Variants in PHLPP2 observed in about 807,000 individuals in gnomAD.
PHLPP2 encodes PH domain and leucine rich repeat protein phosphatase 2.
In PHLPP2, 66 loss-of-function variants were observed where a neutral mutation model predicts 124.9. The ratio of observed to expected loss-of-function variants is 0.53; its 90% CI spans 0.43 to 0.65. The LOEUF is 0.65. Ranked by LOEUF, PHLPP2 falls within the 30% of genes least tolerant of loss-of-function variation. The probability of loss-of-function intolerance (pLI) is 0.00; values close to 1 mark genes in which losing one functional copy is unlikely to be tolerated. For synonymous variants in PHLPP2, 681 were observed against 624.7 expected, an observed-to-expected ratio of 1.09 and a Z score of -1.34; for missense variants, 1,685 against 1,600.4, an observed-to-expected ratio of 1.05 and a Z score of -0.90.
chr16:71,669,190 G>A (rs1289974248), intron 11 of PHLPP2, 85 bp downstream of exon 11: 15 of 876,284 alleles, frequency 1.7e-5, no homozygotes, highest in Non-Finnish European at 2.6e-5. Flanking sequence ...ACAAATAAAA[G>A]GCAACCCAAA....
intron 10 of PHLPP2, among the ~76,000 whole-genome samples, chr16:71,671,743 T>C (rs2044895003): frequency 6.6e-6 from 1 of 151,218 alleles, no homozygotes. Context: ...TGAAACCCCA[T>C]CTCTACTAAA....
In PHLPP2 at chr16:71,667,221, C is replaced by T. The variant is rs769938552; in HGVS notation, c.1741G>A (p.Ala581Thr). The change falls in exon 12 of 19, where the codon GCA becomes ACA. Residue 581 changes from alanine (A) to threonine (T), a missense_variant. By Grantham distance (58) the Ala-to-Thr change is moderately conservative. Transcript: ENST00000568954. ...AGGGTGTCTGGCAGCCTCGTGAGTG[C>T]ATTATGCTGAAGATCCAGCACCTCG... ...PLEVLDLQHNALTRLPDTLFS... is the reference protein window; with the variant it reads ...PLEVLDLQHNTLTRLPDTLFS... The T allele has an allele frequency of 1.7e-5, 28 of 1,613,700 alleles. No homozygotes were observed. The highest frequency in any genetic ancestry group is 1.6e-4 in the Middle Eastern group (1 of 6,084).
intron 8 of PHLPP2, chr16:71,677,017 T>C (rs2044952888): frequency 7.9e-6 from 2 of 253,836 alleles, no homozygotes; most frequent in Non-Finnish European, 1.5e-5. Context: ...GTGCTGGGAT[T>C]ACAGGCATGA....
At chr16:71,695,726 AAG>A (rs949838097) in intron 3 of PHLPP2, among the ~76,000 whole-genome samples, 1 of 152,042 alleles carries the variant, frequency 6.6e-6, no homozygotes, top group Non-Finnish European at 1.5e-5. Flanking sequence ...AAAAAAAAAA[AAG>A]AAATGCATAC....
At chr16:71,652,703 G>A in intron 18 of PHLPP2, 87 bp downstream of exon 18, 1 of 911,734 alleles carries the variant, frequency 1.1e-6, no homozygotes, top group Non-Finnish European at 1.8e-6. Flanking sequence ...GGGCATGATA[G>A]GAAGAAAATG....
intron 13 of PHLPP2, among the ~76,000 whole-genome samples, chr16:71,661,217 C>T (rs541132107): frequency 6.6e-6 from 1 of 152,008 alleles, no homozygotes; most frequent in South Asian, 2.1e-4. Context: ...CAGGCAGGCA[C>T]ACAACACCAC....
intron 13 of PHLPP2, among the ~76,000 whole-genome samples, chr16:71,661,487 C>T (rs887778384): frequency 1.6e-4 from 24 of 152,152 alleles, no homozygotes; most frequent in African/African-American, 5.8e-4. Flanking sequence ...TTAGGTTTTA[C>T]AGCATTATGC....
chr16:71,684,108 A>G (rs918627975), intron 5 of PHLPP2, among the ~76,000 whole-genome samples: 3 of 138,976 alleles, frequency 2.2e-5, no homozygotes, highest in African/African-American at 5.3e-5. Flanking sequence ...TTCAAAATAC[A>G]TTTCTCTTGA....
chr16:71,646,324 C>G lies in PHLPP2; in HGVS notation c.*2566G>C, dbSNP rs1009861505. On this transcript the variant is annotated 3_prime_UTR_variant, in exon 19 of 19. Coordinates refer to ENST00000568954, the MANE Select transcript of PHLPP2 (RefSeq NM_015020.3). ...AAAGCAGACTGCAAAAAAGAATAAT[C>G]AGTTTTGGTATCGCCTATAACAAAG... 1 of 152,148 alleles carries G rather than the reference C, an allele frequency of 6.6e-6. No homozygotes were observed. The highest frequency in any genetic ancestry group is 2.4e-5 in the African/African-American group (1 of 41,452). The allele number at this position is 152,148 out of a possible 1,614,324, so 9.4% of individuals were successfully genotyped here. A position where few individuals can be genotyped will look rare whatever the true frequency, so the allele number is the denominator to read the frequency against.
At chr16:71,662,527 C>T (rs1162384904) in intron 13 of PHLPP2, among the ~76,000 whole-genome samples, 1 of 152,082 alleles carries the variant, frequency 6.6e-6, no homozygotes, top group Non-Finnish European at 1.5e-5. Flanking sequence ...GAACTCCAAT[C>T]AAGTTTCTCC....
At chr16:71,722,920 G>A (rs1192969543) in intron 1 of PHLPP2, among the ~76,000 whole-genome samples, 4 of 152,094 alleles carry the variant, frequency 2.6e-5, no homozygotes, top group African/African-American at 9.7e-5. Context: ...CCTACCTTGT[G>A]CATTCCTTCG....
intron 1 of PHLPP2, chr16:71,723,638 C>CG: frequency 2.6e-6 from 1 of 377,414 alleles, no homozygotes; most frequent in Non-Finnish European, 4.3e-6. Flanking sequence ...TGACGCCGGG[C>CG]GGGGGCCGCC....
intron 3 of PHLPP2, among the ~76,000 whole-genome samples, chr16:71,693,421 G>C (rs2045135625): frequency 6.6e-6 from 1 of 152,090 alleles, no homozygotes; most frequent in South Asian, 2.1e-4. Flanking sequence ...TTCAACTCTT[G>C]GGTTCGCTTT....
chr16:71,706,993 G>A (rs1014358739), intron 2 of PHLPP2, among the ~76,000 whole-genome samples: 5 of 108,934 alleles, frequency 4.6e-5, no homozygotes, highest in East Asian at 3.0e-4. Context: ...TCTTGCTGTC[G>A]CCCAGGCTGG....
chr16:71,683,437 G>A (rs2045022536), intron 5 of PHLPP2, among the ~76,000 whole-genome samples: 1 of 152,214 alleles, frequency 6.6e-6, no homozygotes, highest in Non-Finnish European at 1.5e-5. Context: ...CACCAAGGCT[G>A]TTCTGAACAT....
intron 9 of PHLPP2, among the ~76,000 whole-genome samples, chr16:71,674,619 G>C (rs1249010121): frequency 6.6e-6 from 1 of 152,092 alleles, no homozygotes; most frequent in Non-Finnish European, 1.5e-5. Flanking sequence ...ACCATGCAAA[G>C]CTTTAGTACA....
At chr16:71,660,413 T>C (rs1293524819) in intron 13 of PHLPP2, among the ~76,000 whole-genome samples, 3 of 129,330 alleles carry the variant, frequency 2.3e-5, no homozygotes, top group African/African-American at 8.3e-5. Context: ...CTATATTATA[T>C]ACACTGTATT....
chr16:71,689,325 C>T (rs1048976956), intron 4 of PHLPP2, among the ~76,000 whole-genome samples: 1 of 151,664 alleles, frequency 6.6e-6, no homozygotes, highest in African/African-American at 2.4e-5. Context: ...AGCCATCCTC[C>T]TCCCACCTCA....
At chr16:71,700,602 T>C (rs1412120290) in intron 3 of PHLPP2, among the ~76,000 whole-genome samples, 5 of 143,596 alleles carry the variant, frequency 3.5e-5, no homozygotes, top group Non-Finnish European at 6.0e-5. Context: ...CTCGGCTCAC[T>C]GCAAGCTCTA....
Sources: allele counts gnomAD v4.1 joint callset (sites outside exome capture counted in the v4.1 genomes callset), GRCh38; gene constraint gnomAD v4.1.1; transcripts MANE v1.5; gene names NCBI Gene and HGNC (gene_info 2026-07-23, HGNC 2026-07-21).